The following GRM7 variants were observed in gnomAD, a reference collection of about 807,000 sequenced individuals.
The protein encoded by GRM7 is metabotropic glutamate receptor 7.
GRM7 carries 35 observed loss-of-function variants against 84.5 expected under a neutral mutation model. The ratio of observed to expected loss-of-function variants is 0.41; its 90% confidence interval spans 0.32 to 0.55. The LOEUF (loss-of-function observed/expected upper bound fraction) is 0.55. GRM7 is among the 20% of genes least tolerant of loss of function. The pLI is 0.19. For synonymous variants in GRM7, 487 were observed against 455.1 expected (o/e 1.07, Z -0.89); for missense variants, 1,003 against 1,194.6 (o/e 0.84, Z 2.36).
intron 7 of GRM7, among the ~76,000 whole-genome samples, chr3:7,538,667 C>T (rs552826397): frequency 7.2e-5 from 11 of 152,088 alleles, no homozygotes; most frequent in African/African-American, 2.2e-4. Context: ...TGCAAGTTGT[C>T]TGAGTATTAT....
At chr3:7,385,795 G>A (rs1272483692) in intron 4 of GRM7, among the ~76,000 whole-genome samples, 1 of 152,302 alleles carries the variant, frequency 6.6e-6, no homozygotes, top group Middle Eastern at 3.4e-3. Context: ...CTTGTTGGCA[G>A]AAGCCAAATA....
Position 7,578,537 on chromosome 3 carries a change from C to A in GRM7, c.1631C>A (p.Thr544Asn). 6.2e-7 allele frequency: 1 copy of A among 1,613,894 alleles called. No individual in the cohort carries two copies. Among genetic ancestry groups the A allele is most frequent in the East Asian group, 2.2e-5 (1 of 44,868 alleles). The change falls in exon 8 of 10, where the codon ACC (threonine) becomes AAC (asparagine). Residue 544 changes from threonine (T) to asparagine (N), a missense_variant. Thr to Asn is a moderately conservative substitution (Grantham distance 65, BLOSUM62 0). Transcript: ENST00000357716. The part of the protein sequence containing the change: ...KTQKGTPCCW[T>N]CEPCDGYQYQ... The stretch of plus-strand genomic sequence containing the variant: ...CAGAAAGGAACTCCTTGCTGTTGGA[C>A]CTGTGAGCCTTGCGATGGTTACCAG...
At chr3:7,542,621 C>G (rs952618216) in intron 7 of GRM7, among the ~76,000 whole-genome samples, 1 of 150,122 alleles carries the variant, frequency 6.7e-6, no homozygotes, top group Non-Finnish European at 1.5e-5. Flanking sequence ...AATCTTGGCT[C>G]ACTGCAAACT....
At chr3:7,029,514 T>A (rs1696112104) in intron 1 of GRM7, among the ~76,000 whole-genome samples, 1 of 152,136 alleles carries the variant, frequency 6.6e-6, no homozygotes, top group Non-Finnish European at 1.5e-5. Flanking sequence ...CAATGAAATA[T>A]TCTTCTGTCT....
intron 2 of GRM7, among the ~76,000 whole-genome samples, chr3:7,224,150 C>T (rs1696901615): frequency 6.6e-6 from 1 of 152,178 alleles, no homozygotes; most frequent in South Asian, 2.1e-4. Context: ...ATTTGACTCA[C>T]AGTTCTGCAG....
At chr3:7,589,878 A>G (rs1695696429) in intron 8 of GRM7, among the ~76,000 whole-genome samples, 1 of 152,124 alleles carries the variant, frequency 6.6e-6, no homozygotes, top group Non-Finnish European at 1.5e-5. Context: ...GTGTGCTCCC[A>G]TTCAGCTTTA....
chr3:7,256,493 A>G (rs9812421), intron 2 of GRM7, among the ~76,000 whole-genome samples: 56,995 of 152,130 alleles, frequency 0.37, 10,952 homozygotes, highest in Middle Eastern at 0.49. Context: ...TGACTGGAGT[A>G]TCTGTGTGGC....
At chr3:6,876,203 G>A (rs191611807) in intron 1 of GRM7, among the ~76,000 whole-genome samples, 3 of 151,970 alleles carry the variant, frequency 2.0e-5, no homozygotes, top group African/African-American at 7.2e-5. Context: ...GGGAGGCAGC[G>A]GTAGCAATGA....
intron 7 of GRM7, among the ~76,000 whole-genome samples, chr3:7,505,275 G>C (rs531227526): frequency 3.3e-5 from 5 of 152,352 alleles, no homozygotes; most frequent in African/African-American, 1.2e-4. Context: ...CGCCTATGTA[G>C]CAGTTCTCAC....
intron 4 of GRM7, among the ~76,000 whole-genome samples, chr3:7,344,622 C>A (rs1343818202): frequency 6.6e-6 from 1 of 152,094 alleles, no homozygotes; most frequent in Non-Finnish European, 1.5e-5. Flanking sequence ...GTTATTCGTG[C>A]AACATGGAAG....
chr3:7,668,558 T>A (rs930392555), intron 8 of GRM7, among the ~76,000 whole-genome samples: 2 of 152,226 alleles, frequency 1.3e-5, no homozygotes, highest in Non-Finnish European at 2.9e-5. Context: ...CTAGTCTTGG[T>A]TAGAAAAGTC....
chr3:7,336,540 C>A (rs1701428758), intron 4 of GRM7, among the ~76,000 whole-genome samples: 1 of 151,850 alleles, frequency 6.6e-6, no homozygotes, highest in Admixed American at 6.6e-5. Flanking sequence ...AAGTCCTCAC[C>A]AGAGCAATTA....
chr3:6,953,060 A>G (rs957554715), intron 1 of GRM7, among the ~76,000 whole-genome samples: 6 of 152,168 alleles, frequency 3.9e-5, no homozygotes, highest in African/African-American at 1.2e-4. Flanking sequence ...TCTATATTTT[A>G]GTGACTGAAC....
chr3:7,135,589 C>T (rs1023022064), intron 1 of GRM7, among the ~76,000 whole-genome samples: 1 of 152,060 alleles, frequency 6.6e-6, no homozygotes, highest in Non-Finnish European at 1.5e-5. Flanking sequence ...CCACATTCGC[C>T]TTCCAAAAAG....
chr3:7,193,005 G>A (rs1046620324), intron 2 of GRM7, among the ~76,000 whole-genome samples: 2 of 152,118 alleles, frequency 1.3e-5, no homozygotes, highest in Admixed American at 6.6e-5. Context: ...TTCTCCACGG[G>A]TTTATCTTTG....
chr3:6,902,087 G>T (rs1696407401), intron 1 of GRM7, among the ~76,000 whole-genome samples: 1 of 152,144 alleles, frequency 6.6e-6, no homozygotes, highest in African/African-American at 2.4e-5. Flanking sequence ...TTATTACGAA[G>T]TGAGTTAATG....
chr3:7,119,630 G>A (rs1294512022), intron 1 of GRM7, among the ~76,000 whole-genome samples: 4 of 152,032 alleles, frequency 2.6e-5, no homozygotes, highest in African/African-American at 7.2e-5. Context: ...CATAATCTAG[G>A]ACTGGATATT....
At position 7,278,200 on chromosome 3, in the gene GRM7, T is replaced by A. The variant is rs547357792; in HGVS notation, c.737-20484T>A. On this transcript the variant is annotated intron_variant, in intron 2 of 9. Coordinates refer to ENST00000357716, the MANE Select transcript of GRM7 (RefSeq NM_000844.4). The stretch of plus-strand genomic sequence containing the variant: ...CTATAAAGACATGTTTAATAGAAGA[T>A]GCCTTGAAGCAATTTCTGAACTCAA... Among the ~76,000 whole-genome samples, 9 of 152,238 alleles carry A rather than the reference T, an allele frequency of 5.9e-5. No individual in the cohort carries two copies. The South Asian group carries it at 1.9e-3, about 32-fold the overall frequency.
intron 1 of GRM7, among the ~76,000 whole-genome samples, chr3:7,040,752 C>T (rs1696571817): frequency 6.6e-6 from 1 of 151,898 alleles, no homozygotes; most frequent in African/African-American, 2.4e-5. Flanking sequence ...CCTTAGGTGC[C>T]ACTCCAAGTT....
Sources: gnomAD v4.1 joint callset for allele counts (sites outside exome capture counted in the v4.1 genomes callset) on GRCh38, gnomAD v4.1.1 for gene constraint, MANE v1.5 for transcripts, NCBI Gene and HGNC (gene_info 2026-07-23, HGNC 2026-07-21) for gene names.